Variants in RAD51C observed in about 807,000 individuals in gnomAD.
The protein encoded by RAD51C is DNA repair protein RAD51 homolog 3.
A neutral mutation model predicts 45.0 loss-of-function variants in RAD51C; 42 were observed. The observed-to-expected ratio is 0.93, with a 90% confidence interval of 0.73 to 1.21. The LOEUF (loss-of-function observed/expected upper bound fraction) is 1.21. Among genes scored for constraint, RAD51C ranks in the 50% most tolerant of loss-of-function variants. The pLI is 0.00. For missense variants in RAD51C, 474 were observed against 452.2 expected, an observed-to-expected ratio of 1.05 and a Z score of -0.44; for synonymous variants, 172 against 159.8, an observed-to-expected ratio of 1.08 and a Z score of -0.58.
intron 6 of RAD51C, among the ~76,000 whole-genome samples, chr17:58,723,175 A>G (rs752047528): frequency 1.3e-5 from 2 of 152,018 alleles, no homozygotes; most frequent in Non-Finnish European, 2.9e-5. Context: ...TGTTTCAGGA[A>G]CTCAGTTTGT....
At chr17:58,700,235 CTCTT>C (rs1225908490) in intron 3 of RAD51C, 1 of 152,118 alleles carries the variant, frequency 6.6e-6, no homozygotes, top group African/African-American at 2.4e-5. Flanking sequence ...AATTAATAAA[CTCTT>C]TCTCTTGTTA....
At chr17:58,692,583 CGCACGCCCCAGCGAGGGCGTGCG>C (rs2047789189) in exon 1 of RAD51C, 6 of 1,598,970 alleles carry the variant, frequency 3.8e-6, no homozygotes, top group Non-Finnish European at 5.1e-6. Context: ...GACGTCACGC[CGCACGCCCCAGCGAGGGCGTGCG>C]GAGTTTGGCT....
rs370393672 is a variant in RAD51C at position 58,709,863 on chromosome 17, G to C, written c.710G>C (p.Arg237Pro). 6.2e-7 allele frequency: 1 copy of C among 1,604,900 alleles called. No homozygotes were observed. The highest frequency in any genetic ancestry group is 1.1e-5 in the South Asian group (1 of 90,818). ...PDFLSEHSKVRLVIVDGIAFP... is the reference protein window; with the variant it reads ...PDFLSEHSKVPLVIVDGIAFP... ...TATTATCTCTTCTGTATTTAGGTTCGACTAGTGATAGTGGATGGTATTGCT... is the reference window on the plus strand; with the variant it reads ...TATTATCTCTTCTGTATTTAGGTTCCACTAGTGATAGTGGATGGTATTGCT... Residue 237 changes from arginine (R) to proline (P), a missense_variant, in exon 5 of 9, where the codon CGA becomes CCA. Physicochemically the swap from Arg to Pro is moderately radical, Grantham distance 103. Coordinates refer to ENST00000337432, the MANE Select transcript of RAD51C (RefSeq NM_058216.3).
chr17:58,735,125 T>C lies in RAD51C; in HGVS notation c.*903T>C, dbSNP rs1044135570. On this transcript the variant is annotated 3_prime_UTR_variant, in exon 9 of 9. Transcript: ENST00000337432. ...TAAAGGGAGGACTTTGGAGCTGTTA[T>C]CTCATCTAGAGATTGTTTGGAACAT... is the stretch of plus-strand genomic sequence containing the variant. The C allele has an allele frequency of 6.6e-6, 1 of 152,148 alleles. No homozygotes were observed. The highest frequency in any genetic ancestry group is 2.4e-5 in the African/African-American group (1 of 41,448). 9.4% of individuals were successfully genotyped at this position (152,148 alleles called of 1,614,324 possible).
chr17:58,704,641 G>C (rs1432648263), intron 4 of RAD51C, among the ~76,000 whole-genome samples: 1 of 151,944 alleles, frequency 6.6e-6, no homozygotes, highest in Non-Finnish European at 1.5e-5. Context: ...AGTTGTCCTT[G>C]TATTCTGATT....
intron 4 of RAD51C, among the ~76,000 whole-genome samples, chr17:58,705,070 G>A (rs112239388): frequency 6.6e-6 from 1 of 151,334 alleles, no homozygotes; most frequent in African/African-American, 2.4e-5. Flanking sequence ...AGCAGAGGTT[G>A]CAGTGTGCTG....
chr17:58,706,737 C>G (rs1023090515), intron 4 of RAD51C: 6 of 213,314 alleles, frequency 2.8e-5, no homozygotes, highest in Admixed American at 2.8e-4. Flanking sequence ...AGTCCAACAG[C>G]CTTCGTTCAT....
intron 3 of RAD51C, among the ~76,000 whole-genome samples, chr17:58,699,714 C>G (rs2048145406): frequency 6.6e-6 from 1 of 152,180 alleles, no homozygotes; most frequent in Non-Finnish European, 1.5e-5. Flanking sequence ...AGACCATTAT[C>G]AGCGTACATA....
chr17:58,708,313 G>T (rs1437488795), intron 4 of RAD51C, among the ~76,000 whole-genome samples: 1 of 151,532 alleles, frequency 6.6e-6, no homozygotes, highest in South Asian at 2.1e-4. Flanking sequence ...TACCTTATTT[G>T]TGTGTTTGTT....
At chr17:58,704,770 A>G (rs2048323325) in intron 4 of RAD51C, among the ~76,000 whole-genome samples, 1 of 152,136 alleles carries the variant, frequency 6.6e-6, no homozygotes, top group Non-Finnish European at 1.5e-5. Context: ...CGCCCTTCAG[A>G]AAGACTGCAC....
chr17:58,720,628 A>G (rs755162004), intron 5 of RAD51C, 118 bp from the exon 6 acceptor site: 2 of 733,776 alleles, frequency 2.7e-6, no homozygotes, highest in Non-Finnish European at 4.7e-6. Context: ...GCATGCCACC[A>G]TGTCTGGTTA....
Position 58,709,902 on chromosome 17 carries a change from A to G in RAD51C, c.749A>G (p.His250Arg), listed in dbSNP as rs1060502597. 6.2e-7 allele frequency: 1 copy of G among 1,610,394 alleles called. No individual in the cohort carries two copies. The highest frequency in any genetic ancestry group is 8.5e-7 in the Non-Finnish European group (1 of 1,176,754). The change falls in exon 5 of 9, where the codon CAT (histidine) becomes CGT (arginine). Residue 250 changes from histidine (H) to arginine (R), a missense_variant. Physicochemically the swap from His to Arg is conservative, Grantham distance 29. Transcript: ENST00000337432. ...GATGGTATTGCTTTTCCATTTCGTC[A>G]TGACCTAGATGACCTGTCTCTTCGT... is the stretch of plus-strand genomic sequence containing the variant. ...IVDGIAFPFR[H>R]DLDDLSLRTR...
At chr17:58,717,626 C>T (rs1598498127) in intron 5 of RAD51C, among the ~76,000 whole-genome samples, 1 of 152,148 alleles carries the variant, frequency 6.6e-6, no homozygotes, top group East Asian at 1.9e-4. Flanking sequence ...ATCCCAGCTA[C>T]TCATGAGGCT....
At chr17:58,715,059 C>T (rs975361827) in intron 5 of RAD51C, among the ~76,000 whole-genome samples, 8 of 151,494 alleles carry the variant, frequency 5.3e-5, no homozygotes, top group African/African-American at 1.7e-4. Flanking sequence ...ATTTTTCTTG[C>T]GGTCAACTAT....
At position 58,703,176 on chromosome 17, in the gene RAD51C, A is replaced by C. The variant is rs933464572; in HGVS notation, c.572-20A>C. The C allele has an allele frequency of 1.1e-5, 17 of 1,608,346 alleles. No homozygotes were observed. The highest frequency in any genetic ancestry group is 1.4e-5 in the Non-Finnish European group (16 of 1,175,306). The stretch of plus-strand genomic sequence containing the variant: ...ACATCCAAACAGGTAAAACTAATTA[A>C]GAGTGTTTTGTTGTTTCAGAACACC... On this transcript the variant is annotated intron_variant, in intron 3 of 8. Coordinates refer to ENST00000337432, the MANE Select transcript of RAD51C (RefSeq NM_058216.3).
At chr17:58,726,166 C>A (rs1355357055) in intron 7 of RAD51C, among the ~76,000 whole-genome samples, 3 of 151,260 alleles carry the variant, frequency 2.0e-5, no homozygotes, top group African/African-American at 7.3e-5. Context: ...TTAGTGAGTG[C>A]TTGCTTGTGC....
intron 3 of RAD51C, among the ~76,000 whole-genome samples, chr17:58,701,809 C>G (rs2048220836): frequency 6.6e-6 from 1 of 151,454 alleles, no homozygotes; most frequent in African/African-American, 2.4e-5. Context: ...ACCTAGTGAT[C>G]CACCCAGCTT....
chr17:58,695,803 A>G (rs1393968908), intron 2 of RAD51C, among the ~76,000 whole-genome samples: 2 of 152,062 alleles, frequency 1.3e-5, no homozygotes, highest in Non-Finnish European at 2.9e-5. Flanking sequence ...ATGGTGGCTC[A>G]CACCTGTAAT....
chr17:58,730,286 T>A lies in RAD51C; in HGVS notation c.966-2198T>A, dbSNP rs573365272. Among the ~76,000 whole-genome samples the A allele has an allele frequency of 2.2e-4, 33 of 150,204 alleles. No homozygotes were observed. The South Asian group carries it at 7.0e-3, about 32-fold the overall frequency. On this transcript the variant is annotated intron_variant, in intron 7 of 8. Transcript: ENST00000337432. ...TTCAAGTGATTCTCCTACCTCAGCCTCCTCAGTAGCTGGGATTACAGGTGC... is the reference window on the plus strand; with the variant it reads ...TTCAAGTGATTCTCCTACCTCAGCCACCTCAGTAGCTGGGATTACAGGTGC...
Sources: allele counts gnomAD v4.1 joint callset (sites outside exome capture counted in the v4.1 genomes callset), GRCh38; gene constraint gnomAD v4.1.1; transcripts MANE v1.5; gene names NCBI Gene and HGNC (gene_info 2026-07-23, HGNC 2026-07-21).